Variants in GLOD4 observed in about 807,000 individuals in gnomAD.
GLOD4 encodes the protein glyoxalase domain containing 4, also known as glyoxalase domain-containing protein 4.
In GLOD4, 44 loss-of-function variants were observed where a neutral mutation model predicts 39.1. The observed-to-expected ratio is 1.13, with a 90% confidence interval of 0.88 to 1.45. The LOEUF is 1.45. GLOD4 is among the 40% of genes most tolerant of loss of function. The pLI is 0.00. For synonymous variants in GLOD4, 145 were observed against 135.0 expected (o/e 1.07, Z -0.52); for missense variants, 405 against 366.4 (o/e 1.11, Z -0.86).
chr17:782,696 A>C, upstream of GLOD4: 1 of 1,594,320 alleles, frequency 6.3e-7, no homozygotes, highest in Non-Finnish European at 8.6e-7. Context: ...GGCTGAGGTG[A>C]TGTGGTTCTT....
At chr17:781,651 AG>A (rs2144497390) in intron 1 of GLOD4, among the ~76,000 whole-genome samples, 1 of 152,266 alleles carries the variant, frequency 6.6e-6, no homozygotes, top group African/African-American at 2.4e-5. Context: ...ACAGCTCCTC[AG>A]GACCCGAGAC....
chr17:778,516 CTT>C (rs769143979), intron 2 of GLOD4, 177 bp downstream of exon 2: 529 of 639,742 alleles, frequency 8.3e-4, no homozygotes, highest in Admixed American at 2.5e-3. Context: ...AATTCCACTG[CTT>C]TATACTCATG....
chr17:760,895 T>C (rs927088842), intron 8 of GLOD4, among the ~76,000 whole-genome samples: 1 of 152,194 alleles, frequency 6.6e-6, no homozygotes, highest in African/African-American at 2.4e-5. Context: ...GAGTTCAGCC[T>C]GTGTAACAGA....
chr17:765,224 C>T (rs1473522695), intron 8 of GLOD4: 4 of 150,786 alleles, frequency 2.7e-5, no homozygotes, highest in African/African-American at 9.7e-5. Flanking sequence ...GGTCTGTATT[C>T]TGAGTAGTGG....
Position 768,388 on chromosome 17 carries a change from G to A in GLOD4, c.831+1481C>T, listed in dbSNP as rs572496388. Among the ~76,000 whole-genome samples, 9 of 144,332 alleles carry A rather than the reference G, an allele frequency of 6.2e-5. No individual in the cohort carries two copies. The South Asian group carries it at 1.3e-3, about 22-fold the overall frequency. 94.7% of individuals were successfully genotyped at this position (144,332 alleles called of 152,430 possible). On this transcript the variant is annotated intron_variant, in intron 8 of 8. Transcript: ENST00000301329. Reference sequence around the variant, plus strand: ...TTAGAAGAAGAAATCTGGAGAGGACGTAAGAGAGAGAAACAGCGCGCGCTC... The same window carrying A: ...TTAGAAGAAGAAATCTGGAGAGGACATAAGAGAGAGAAACAGCGCGCGCTC...
upstream of GLOD4, chr17:782,626 C>T (rs1424200747): frequency 3.1e-6 from 5 of 1,613,768 alleles, no homozygotes; most frequent in Admixed American, 8.3e-5. Flanking sequence ...GCATCCCGCG[C>T]TCCCAGCACC....
At chr17:766,521 G>A (rs184962056) in intron 8 of GLOD4, among the ~76,000 whole-genome samples, 16 of 150,182 alleles carry the variant, frequency 1.1e-4, no homozygotes, top group Non-Finnish European at 1.6e-4. Context: ...GCTTGATCCC[G>A]GGAGGTGGAG....
At chr17:772,187 GAAAAAAAAAAA>G (rs58914913) in intron 4 of GLOD4, among the ~76,000 whole-genome samples, 1 of 50,868 alleles carries the variant, frequency 2.0e-5, no homozygotes, top group Non-Finnish European at 3.3e-5. Context: ...ACCCTATCTC[GAAAAAAAAAAA>G]AAAAAAAAAA....
At chr17:768,731 GAA>G (rs1907276547) in intron 8 of GLOD4, among the ~76,000 whole-genome samples, 1 of 60,160 alleles carries the variant, frequency 1.7e-5, no homozygotes, top group Non-Finnish European at 3.1e-5. Context: ...GTGAGAGAGA[GAA>G]ACAGCGCGCA....
At chr17:771,297 C>G (rs1260002263) in intron 5 of GLOD4, 28 bp downstream of exon 5, 4 of 1,494,912 alleles carry the variant, frequency 2.7e-6, no homozygotes, top group Non-Finnish European at 3.6e-6. Flanking sequence ...TTCAAAGTAA[C>G]AGGTTATTCT....
At chr17:772,453 A>G (rs750623845) in intron 4 of GLOD4, among the ~76,000 whole-genome samples, 5 of 152,210 alleles carry the variant, frequency 3.3e-5, no homozygotes, top group African/African-American at 4.8e-5. Flanking sequence ...TATGAAGAAA[A>G]AACTTCTGCT....
At chr17:764,075 C>A (rs1172332954) in intron 8 of GLOD4, 1 of 152,150 alleles carries the variant, frequency 6.6e-6, no homozygotes, top group Non-Finnish European at 1.5e-5. Flanking sequence ...AAAGAATGGA[C>A]AAAAGACTTG....
At chr17:774,753 G>A (rs1908602238) in intron 4 of GLOD4, among the ~76,000 whole-genome samples, 1 of 152,074 alleles carries the variant, frequency 6.6e-6, no homozygotes, top group African/African-American at 2.4e-5. Context: ...TTCTAGGAAA[G>A]TTTTTCTTCT....
intron 4 of GLOD4, among the ~76,000 whole-genome samples, chr17:774,334 C>T (rs538021919): frequency 6.6e-6 from 1 of 152,342 alleles, no homozygotes; most frequent in African/African-American, 2.4e-5. Context: ...AGGAGAATTT[C>T]CAGGACTCCC....
At chr17:776,330 G>C (rs1031312444) in intron 3 of GLOD4, among the ~76,000 whole-genome samples, 1 of 152,204 alleles carries the variant, frequency 6.6e-6, no homozygotes, top group African/African-American at 2.4e-5. Flanking sequence ...AAAGTGCCTA[G>C]AAATGTACAC....
In GLOD4 at chr17:782,204, G is replaced by C. The variant is rs944373846; in HGVS notation, c.52C>G (p.Gln18Glu). ...HFVFKVGNRFQTARFYRDVLG... is the reference protein window; with the variant it reads ...HFVFKVGNRFETARFYRDVLG... ...ACGTCCCGATAGAAACGCGCCGTCT[G>C]GAAGCGGTTTCCCACTTTGAATACG... The change falls in exon 1 of 9, where the codon CAG becomes GAG. Residue 18 changes from glutamine to glutamate, a missense_variant. Transcript: ENST00000301329. 6.2e-7 allele frequency: 1 copy of C among 1,613,130 alleles called. No individual in the cohort carries two copies. Among genetic ancestry groups the C allele is most frequent in the African/African-American group, 1.3e-5 (1 of 74,916 alleles).
intron 1 of GLOD4, among the ~76,000 whole-genome samples, chr17:779,562 C>T (rs556047396): frequency 3.3e-5 from 5 of 151,164 alleles, no homozygotes; most frequent in Admixed American, 2.6e-4. Context: ...TGCTTGAACA[C>T]GGGAGGCAGA....
chr17:771,177 T>C (rs1400294696), intron 5 of GLOD4, 148 bp downstream of exon 5: 4 of 557,048 alleles, frequency 7.2e-6, no homozygotes, highest in Admixed American at 3.1e-5. Flanking sequence ...TTTTCTTCTG[T>C]TTATCTATAT....
upstream of GLOD4, chr17:782,300 C>G: frequency 6.2e-6 from 10 of 1,611,268 alleles, no homozygotes; most frequent in Non-Finnish European, 8.5e-6. Flanking sequence ...ACAGCCCAGT[C>G]CACGAAGGGC....
Sources: gnomAD v4.1 joint callset for allele counts (sites outside exome capture counted in the v4.1 genomes callset) on GRCh38, gnomAD v4.1.1 for gene constraint, MANE v1.5 for transcripts, NCBI Gene and HGNC (gene_info 2026-07-23, HGNC 2026-07-21) for gene names.